The following CDYL2 variants were observed in gnomAD, a reference collection of about 807,000 sequenced individuals.
CDYL2 encodes the protein chromodomain Y-like protein 2.
Under a neutral mutation model 49.4 loss-of-function variants are expected in CDYL2, and 23 were observed. The ratio of observed to expected loss-of-function variants is 0.47; its 90% CI spans 0.34 to 0.66. CDYL2 has a LOEUF of 0.66. Ranked by LOEUF, CDYL2 falls within the 30% of genes least tolerant of loss-of-function variation. The pLI, the probability that CDYL2 is intolerant of heterozygous loss-of-function variation, is 0.01. For synonymous variants in CDYL2, 360 were observed against 268.8 expected (o/e 1.34, Z -3.32); for missense variants, 678 against 656.4 (o/e 1.03, Z -0.36).
chr16:80,624,630 C>A (rs952130327), intron 3 of CDYL2, among the ~76,000 whole-genome samples: 4 of 151,986 alleles, frequency 2.6e-5, no homozygotes, highest in Non-Finnish European at 4.4e-5. Flanking sequence ...AGCAAATGAG[C>A]GGATTACATA....
At chr16:80,659,176 T>C (rs1056398222) in intron 2 of CDYL2, among the ~76,000 whole-genome samples, 9 of 152,174 alleles carry the variant, frequency 5.9e-5, no homozygotes, top group African/African-American at 2.2e-4. Context: ...GTTCAGTGCA[T>C]AAGCTAAATC....
At chr16:80,775,421 T>TAAA (rs746972128) in intron 1 of CDYL2, among the ~76,000 whole-genome samples, 2 of 151,714 alleles carry the variant, frequency 1.3e-5, no homozygotes, top group South Asian at 2.1e-4. Context: ...AGAGAAGAAA[T>TAAA]AAAGTGTCTA....
At position 80,804,142 on chromosome 16, in the gene CDYL2, C is replaced by T. The variant is rs1272649324; in HGVS notation, c.24+8G>A. The T allele has an allele frequency of 2.4e-6, 3 of 1,234,370 alleles. No individual in the cohort carries two copies. Among genetic ancestry groups the T allele is most frequent in the African/African-American group, 3.2e-5 (2 of 61,598 alleles). The allele number at this position is 1,234,370 out of a possible 1,614,324, so 76.5% of individuals were successfully genotyped here. ...CTGGGGCCGGCCCGCGCCCCCGCGT[C>T]CCCGTACCTCGTAAAGGTCCCCAGA... On this transcript the variant is annotated splice_region_variant and intron_variant, in intron 1 of 6. Coordinates refer to ENST00000570137, the MANE Select transcript of CDYL2 (RefSeq NM_152342.4).
intron 2 of CDYL2, among the ~76,000 whole-genome samples, chr16:80,680,319 C>G (rs1909919436): frequency 6.6e-6 from 1 of 152,180 alleles, no homozygotes; most frequent in South Asian, 2.1e-4. Flanking sequence ...TCTTAAACGT[C>G]CTTTCAGAAA....
chr16:80,722,018 G>A (rs563385917), intron 1 of CDYL2, among the ~76,000 whole-genome samples: 30 of 152,284 alleles, frequency 2.0e-4, no homozygotes, highest in Non-Finnish European at 3.5e-4. Flanking sequence ...AAGTGGTTAT[G>A]GACCCCTCAG....
At chr16:80,674,135 A>G (rs1909644452) in intron 2 of CDYL2, among the ~76,000 whole-genome samples, 1 of 152,186 alleles carries the variant, frequency 6.6e-6, no homozygotes, top group South Asian at 2.1e-4. Flanking sequence ...GGGAACTAAT[A>G]CAGCGTCCCT....
Position 80,604,404 on chromosome 16 carries a change from T to G in CDYL2, c.1505A>C (p.Lys502Thr), listed in dbSNP as rs765035136. ...TGGGGCCCCTCAGACTTCATAAATT[T>G]TGTCCTGCAGGTAGCTGAAAAGGGA... ...LDSLFSYLQDKIYEV is the reference protein window; with the variant it reads ...LDSLFSYLQDTIYEV The change falls in exon 7 of 7, where the codon AAA becomes ACA. Residue 502 changes from lysine to threonine, a missense_variant. Around this residue, in one of 3 missense-constraint regions of CDYL2, gnomAD observed 153 missense variants for 150.6 expected, o/e 1.02. Coordinates refer to ENST00000570137, the MANE Select transcript of CDYL2 (RefSeq NM_152342.4). 1 of 1,613,962 alleles carries G rather than the reference T, an allele frequency of 6.2e-7. No individual in the cohort carries two copies.
intron 1 of CDYL2, among the ~76,000 whole-genome samples, chr16:80,759,560 G>A (rs944364186): frequency 3.3e-5 from 5 of 152,150 alleles, no homozygotes; most frequent in Non-Finnish European, 7.3e-5. Context: ...GTTTTGTGAT[G>A]ATGGTTATGA....
At chr16:80,783,980 C>A (rs1471647405) in intron 1 of CDYL2, among the ~76,000 whole-genome samples, 1 of 152,150 alleles carries the variant, frequency 6.6e-6, no homozygotes, top group Non-Finnish European at 1.5e-5. Flanking sequence ...AACTAGACAA[C>A]ATTGTGAAAG....
At chr16:80,744,916 C>G (rs2142556110) in intron 1 of CDYL2, among the ~76,000 whole-genome samples, 1 of 152,326 alleles carries the variant, frequency 6.6e-6, no homozygotes, top group East Asian at 1.9e-4. Context: ...ACCAGTGCCA[C>G]TGAGCCACCT....
intron 1 of CDYL2, among the ~76,000 whole-genome samples, chr16:80,780,233 T>A (rs578180638): frequency 1.3e-5 from 2 of 152,048 alleles, no homozygotes; most frequent in Non-Finnish European, 2.9e-5. Context: ...AATTCTAAAA[T>A]GCATTTTTTA....
chr16:80,636,482 A>G (rs1270509824), intron 2 of CDYL2, among the ~76,000 whole-genome samples: 1 of 152,264 alleles, frequency 6.6e-6, no homozygotes, highest in African/African-American at 2.4e-5. Context: ...CATTACAGAA[A>G]TGCAAATCAA....
At chr16:80,625,134 C>T (rs1487179419) in intron 3 of CDYL2, among the ~76,000 whole-genome samples, 1 of 152,176 alleles carries the variant, frequency 6.6e-6, no homozygotes, top group Non-Finnish European at 1.5e-5. Flanking sequence ...AACTTATTAT[C>T]TTATAGTCCC....
rs185281937 is a variant in CDYL2 at position 80,650,058 on chromosome 16, G to A, written c.617-16822C>T. On this transcript the variant is annotated intron_variant, in intron 2 of 6. Coordinates refer to ENST00000570137, the MANE Select transcript of CDYL2 (RefSeq NM_152342.4). ...GAAAATCTCCAGGACATTGGTCTAC[G>A]CAAAAATTTCCTGAGCAATACCCTA... 9.1e-4 allele frequency among the ~76,000 whole-genome samples: 138 copies of A among 152,194 alleles called. 1 individual carries two copies. The highest frequency in any genetic ancestry group is 3.1e-3 in the African/African-American group (129 of 41,502).
intron 1 of CDYL2, among the ~76,000 whole-genome samples, chr16:80,719,225 G>C (rs1904915420): frequency 6.6e-6 from 1 of 152,120 alleles, no homozygotes. Context: ...ACTGGAGTCT[G>C]AGGATCCCCA....
At chr16:80,742,632 G>A (rs1386306872) in intron 1 of CDYL2, among the ~76,000 whole-genome samples, 2 of 152,002 alleles carry the variant, frequency 1.3e-5, no homozygotes, top group African/African-American at 4.8e-5. Flanking sequence ...ATGAATGGAT[G>A]GATGGATGGA....
intron 1 of CDYL2, among the ~76,000 whole-genome samples, chr16:80,729,691 A>G (rs146307992): frequency 0.02 from 3,032 of 152,276 alleles, 27 homozygotes; most frequent in African/African-American, 0.029. Context: ...AATTGACCAC[A>G]TAGTTGGAAG....
At position 80,612,001 on chromosome 16, in the gene CDYL2, G is replaced by A. The variant is rs564747273; in HGVS notation, c.1218+625C>T. Among the ~76,000 whole-genome samples, 43 of 152,350 alleles carry A rather than the reference G, an allele frequency of 2.8e-4. 1 individual carries two copies. The South Asian group carries it at 8.3e-3, about 29-fold the overall frequency. On this transcript the variant is annotated intron_variant, in intron 5 of 6. Transcript: ENST00000570137. The surrounding 1 kb of genome is among the most constrained non-coding windows in gnomAD (Gnocchi z 5.0). Reference sequence around the variant, plus strand: ...AATCGCAATCGTTTCCACATGGGGTGGAGACTGCTTTGTGTCCACTGAATC... The same window carrying A: ...AATCGCAATCGTTTCCACATGGGGTAGAGACTGCTTTGTGTCCACTGAATC...
intron 1 of CDYL2, among the ~76,000 whole-genome samples, chr16:80,754,650 C>T (rs1906247574): frequency 6.6e-6 from 1 of 152,132 alleles, no homozygotes; most frequent in Non-Finnish European, 1.5e-5. Context: ...CCTTACTTCC[C>T]TTATCAGTAA....
Sources: gnomAD v4.1 joint callset for allele counts (sites outside exome capture counted in the v4.1 genomes callset) on GRCh38, gnomAD v4.1.1 for gene constraint, gnomAD v4.1.1 regional missense constraint, Gnocchi (gnomAD v3.1) non-coding constraint, MANE v1.5 for transcripts, NCBI Gene and HGNC (gene_info 2026-07-23, HGNC 2026-07-21) for gene names.